The following CACNA1D variants were observed in gnomAD, a reference collection of about 807,000 sequenced individuals.
CACNA1D encodes the protein calcium voltage-gated channel subunit alpha1 D, also known as voltage-dependent L-type calcium channel subunit alpha-1D.
CACNA1D carries 55 observed loss-of-function variants against 257.1 expected under a neutral mutation model. The observed-to-expected ratio is 0.21, with a 90% confidence interval of 0.17 to 0.27. The LOEUF (loss-of-function observed/expected upper bound fraction) is 0.27, where lower values mean the gene tolerates loss of function less well. Among genes scored for constraint, CACNA1D ranks in the 10% least tolerant of loss-of-function variants. The pLI is 1.00. For synonymous variants in CACNA1D, 980 were observed against 1,014.9 expected (o/e 0.97, Z 0.65); for missense variants, 1,876 against 2,784.0 (o/e 0.67, Z 7.34).
chr3:53,762,936 C>T (rs1362155475), intron 30 of CACNA1D, among the ~76,000 whole-genome samples: 3 of 152,232 alleles, frequency 2.0e-5, no homozygotes, highest in Non-Finnish European at 4.4e-5. Context: ...TGTTGTCACT[C>T]ACCAGTCGTG....
chr3:53,543,720 A>T lies in CACNA1D; in HGVS notation c.483+42000A>T, dbSNP rs2092353117. On this transcript the variant is annotated intron_variant, in intron 3 of 47. Transcript: ENST00000350061. ...GAATCACAGTGGTAGAGGCACTCTCATTATTTTACAGGTGAGGAAACTGAG... is the reference window on the plus strand; with the variant it reads ...GAATCACAGTGGTAGAGGCACTCTCTTTATTTTACAGGTGAGGAAACTGAG... 2.6e-5 allele frequency among the ~76,000 whole-genome samples: 4 copies of T among 152,302 alleles called. No homozygotes were observed. In the South Asian group the frequency reaches 8.3e-4, roughly 32 times the overall value.
intron 8 of CACNA1D, among the ~76,000 whole-genome samples, chr3:53,698,724 T>A (rs1050320986): frequency 5.9e-5 from 9 of 152,186 alleles, no homozygotes; most frequent in African/African-American, 2.2e-4. Flanking sequence ...TGTTTTCTGC[T>A]CTTTCTTTTA....
At position 53,747,160 on chromosome 3, in the gene CACNA1D, G is replaced by A. The variant is rs150737598; in HGVS notation, c.3168-142G>A. On this transcript the variant is annotated intron_variant, in intron 25 of 47. Transcript: ENST00000350061. ...GGGCGAGGAGAGGAGAAACGGCGCC[G>A]GTGTTATGCTCAGCTGTGTGACAGG... The A allele has an allele frequency of 6.9e-3, 5,241 of 756,212 alleles. 28 individuals carry two copies. Among genetic ancestry groups the A allele is most frequent in the Non-Finnish European group, 7.3e-3 (3,032 of 415,212 alleles). The allele number at this position is 756,212 out of a possible 1,614,324, so 46.8% of individuals were successfully genotyped here.
At chr3:53,743,178 T>C (rs2095133828) in intron 22 of CACNA1D, 61 bp downstream of exon 22, 1 of 982,592 alleles carries the variant, frequency 1.0e-6, no homozygotes, top group Non-Finnish European at 1.7e-6. Flanking sequence ...TAAGGGATTT[T>C]AACATAATTG....
At chr3:53,596,042 C>G (rs1205087184) in intron 3 of CACNA1D, among the ~76,000 whole-genome samples, 1 of 152,196 alleles carries the variant, frequency 6.6e-6, no homozygotes, top group African/African-American at 2.4e-5. Context: ...TAGCCACTTA[C>G]TGCTTTAAAT....
chr3:53,677,697 T>A (rs2094390201), intron 8 of CACNA1D, among the ~76,000 whole-genome samples: 1 of 152,224 alleles, frequency 6.6e-6, no homozygotes, highest in Non-Finnish European at 1.5e-5. Flanking sequence ...CTGCAAAGTA[T>A]TACGCAGGTC....
rs749331926 is a variant in CACNA1D at position 53,774,713 on chromosome 3, A to AG, written c.4202+41dup. 3 of 1,290,770 alleles carry AG rather than the reference A, an allele frequency of 2.3e-6. No individual in the cohort carries two copies. Among genetic ancestry groups the AG allele is most frequent in the South Asian group, 1.2e-5 (1 of 84,716 alleles). The allele number at this position is 1,290,770 out of a possible 1,614,324, so 80.0% of individuals were successfully genotyped here. A position where few individuals can be genotyped will look rare whatever the true frequency, so the allele number is the denominator to read the frequency against. On this transcript the variant is annotated intron_variant, in intron 34 of 47. Transcript: ENST00000350061. This position sits in a 1 kb window ranked among gnomAD's most constrained non-coding sequence, Gnocchi z 4.3. Reference sequence around the variant, plus strand: ...ACTGGCTTGGGCGGTGCTCCTGGGCAGGGGGGTCCGCTAGGCGTGGGTCCA... The same window carrying AG: ...ACTGGCTTGGGCGGTGCTCCTGGGCAGGGGGGGTCCGCTAGGCGTGGGTCCA...
At chr3:53,726,735 A>G (rs1307951326) in intron 14 of CACNA1D, 144 bp from the exon 15 acceptor site, 25 of 891,198 alleles carry the variant, frequency 2.8e-5, no homozygotes, top group Non-Finnish European at 4.5e-5. Context: ...TAGAAATTCC[A>G]TGGGATAACA....
chr3:53,583,849 T>C (rs1372235264), intron 3 of CACNA1D, among the ~76,000 whole-genome samples: 2 of 152,148 alleles, frequency 1.3e-5, no homozygotes, highest in Non-Finnish European at 2.9e-5. Flanking sequence ...ACGTGGTGGG[T>C]GAGATCAAGG....
At chr3:53,655,189 G>A (rs2094136650) in intron 4 of CACNA1D, among the ~76,000 whole-genome samples, 1 of 152,144 alleles carries the variant, frequency 6.6e-6, no homozygotes, top group African/African-American at 2.4e-5. Context: ...TGGTGTATGT[G>A]TATCACATTT....
At chr3:53,502,468 A>ATTTTTTTT (rs562089802) in intron 3 of CACNA1D, among the ~76,000 whole-genome samples, 1 of 140,530 alleles carries the variant, frequency 7.1e-6, no homozygotes, top group African/African-American at 2.6e-5. Flanking sequence ...TTCTTTAAAC[A>ATTTTTTTT]TTTTTTTTTT....
chr3:53,723,417 C>A lies in CACNA1D; in HGVS notation c.1667-17C>A. On this transcript the variant is annotated splice_polypyrimidine_tract_variant and intron_variant, in intron 12 of 47. Transcript: ENST00000350061. The surrounding 1 kb of genome is among the most constrained non-coding windows in gnomAD (Gnocchi z 5.6). Reference sequence around the variant, plus strand: ...TTGCAGGAGACCCTGAGGATGGGTGCCCCTTTGTCTTTCCAGATATTGCCA... The same window carrying A: ...TTGCAGGAGACCCTGAGGATGGGTGACCCTTTGTCTTTCCAGATATTGCCA... 6.3e-7 allele frequency: 1 copy of A among 1,598,472 alleles called. No individual in the cohort carries two copies. Among genetic ancestry groups the A allele is most frequent in the Non-Finnish European group, 8.6e-7 (1 of 1,165,742 alleles).
At chr3:53,611,314 G>A (rs999349005) in intron 3 of CACNA1D, among the ~76,000 whole-genome samples, 2 of 152,188 alleles carry the variant, frequency 1.3e-5, no homozygotes, top group African/African-American at 4.8e-5. Context: ...AAGTCCAGGA[G>A]TTGGAGGCTG....
chr3:53,520,870 C>T (rs1318212778), intron 3 of CACNA1D, among the ~76,000 whole-genome samples: 1 of 81,448 alleles, frequency 1.2e-5, no homozygotes, highest in African/African-American at 7.4e-5. Flanking sequence ...TTCTTTCTTT[C>T]TTTCTTTCTT....
At chr3:53,787,040 G>A in intron 40 of CACNA1D, 88 bp downstream of exon 40, 1 of 1,375,510 alleles carries the variant, frequency 7.3e-7, no homozygotes. Flanking sequence ...ATTCATGGTT[G>A]AGCAGTACCA....
chr3:53,690,359 T>C (rs1442887505), intron 8 of CACNA1D, among the ~76,000 whole-genome samples: 1 of 152,072 alleles, frequency 6.6e-6, no homozygotes, highest in African/African-American at 2.4e-5. Flanking sequence ...AGTGGAACAA[T>C]GGGATACAGA....
intron 3 of CACNA1D, among the ~76,000 whole-genome samples, chr3:53,541,036 G>A (rs765634554): frequency 1.5e-4 from 23 of 152,184 alleles, no homozygotes; most frequent in Non-Finnish European, 2.5e-4. Context: ...GCCACTGTGC[G>A]CGGCCGGCAT....
intron 3 of CACNA1D, among the ~76,000 whole-genome samples, chr3:53,536,267 G>C (rs191548967): frequency 3.8e-4 from 58 of 152,296 alleles, no homozygotes; most frequent in African/African-American, 1.3e-3. Flanking sequence ...GGGAGGTTAA[G>C]AGTCAAAGAT....
chr3:53,497,383 G>A lies in CACNA1D; in HGVS notation c.299G>A (p.Ser100Asn). 2 of 1,614,182 alleles carry A rather than the reference G, an allele frequency of 1.2e-6. No homozygotes were observed. Among genetic ancestry groups the A allele is most frequent in the Non-Finnish European group, 8.5e-7 (1 of 1,180,030 alleles). The change falls in exon 2 of 48, where the codon AGC (serine) becomes AAC (asparagine). Residue 100 changes from serine to asparagine, a missense_variant. This residue lies in a region of CACNA1D where 143 missense variants were observed against 168.7 expected (regional missense o/e 0.85). Transcript: ENST00000350061. ...KSKKQGNSSN[S>N]RPARALFCLS... ...AAAAAACAGGGTAACTCGTCCAACA[G>A]CCGACCTGCCCGCGCCCTTTTCTGT...
Sources: gnomAD v4.1 joint callset for allele counts (sites outside exome capture counted in the v4.1 genomes callset) on GRCh38, gnomAD v4.1.1 for gene constraint, gnomAD v4.1.1 regional missense constraint, Gnocchi (gnomAD v3.1) non-coding constraint, MANE v1.5 for transcripts, NCBI Gene and HGNC (gene_info 2026-07-23, HGNC 2026-07-21) for gene names.